Variants in CNTNAP2 observed in about 807,000 individuals in gnomAD.
CNTNAP2 encodes contactin-associated protein-like 2.
Under a neutral mutation model 155.2 loss-of-function variants are expected in CNTNAP2, and 98 were observed. The ratio of observed to expected loss-of-function variants is 0.63; its 90% CI spans 0.54 to 0.75. The LOEUF (loss-of-function observed/expected upper bound fraction) is 0.75. CNTNAP2 is among the 30% of genes least tolerant of loss of function. CNTNAP2 has a pLI of 0.00. For missense variants in CNTNAP2, 1,727 were observed against 1,688.1 expected (o/e 1.02, Z -0.40); for synonymous variants, 651 against 631.2 (o/e 1.03, Z -0.47).
intron 10 of CNTNAP2, among the ~76,000 whole-genome samples, chr7:147,448,755 T>A (rs933754275): frequency 6.6e-6 from 1 of 152,064 alleles, no homozygotes; most frequent in Non-Finnish European, 1.5e-5. Context: ...TTTATACTTA[T>A]GAAAATTTAT....
At chr7:146,555,880 G>A (rs1798191404) in intron 1 of CNTNAP2, among the ~76,000 whole-genome samples, 1 of 152,066 alleles carries the variant, frequency 6.6e-6, no homozygotes, top group Admixed American at 6.5e-5. Flanking sequence ...AAAAGTGATG[G>A]TTATAGACTC....
At position 146,121,119 on chromosome 7, in the gene CNTNAP2, C is replaced by CTT. The variant is rs745449281; in HGVS notation, c.97+4172_97+4173dup. On this transcript the variant is annotated intron_variant, in intron 1 of 23. Coordinates refer to ENST00000361727, the MANE Select transcript of CNTNAP2 (RefSeq NM_014141.6). The stretch of plus-strand genomic sequence containing the variant: ...TGTCTTAAAGTTTACATAAAGCTTC[C>CTT]TTTTTTTTTTTTTTTTTTTTTTTTT... Among the ~76,000 whole-genome samples, 272 of 65,778 alleles carry CTT rather than the reference C, an allele frequency of 4.1e-3. 28 individuals carry two copies. The highest frequency in any genetic ancestry group is 0.012 in the African/African-American group (225 of 19,270). The allele number at this position is 65,778 out of a possible 152,430, so 43.2% of individuals were successfully genotyped here. A position where few individuals can be genotyped will look rare whatever the true frequency, so the allele number is the denominator to read the frequency against.
intron 17 of CNTNAP2, among the ~76,000 whole-genome samples, chr7:148,160,445 C>G (rs1414802401): frequency 6.6e-6 from 1 of 151,120 alleles, no homozygotes; most frequent in Admixed American, 6.6e-5. Flanking sequence ...AATAAATGAA[C>G]AAACTACTAT....
chr7:147,272,113 G>A (rs1020292608), intron 8 of CNTNAP2, among the ~76,000 whole-genome samples: 8 of 152,026 alleles, frequency 5.3e-5, no homozygotes, highest in Admixed American at 6.6e-5. Context: ...GGCTGCTCTC[G>A]AACTCCTGAC....
intron 3 of CNTNAP2, among the ~76,000 whole-genome samples, chr7:146,889,058 G>A (rs1795728478): frequency 6.6e-6 from 1 of 151,940 alleles, no homozygotes; most frequent in South Asian, 2.1e-4. Context: ...ATTGGGAACT[G>A]ATAGATATGT....
rs1797629023 is a variant in CNTNAP2 at position 146,964,991 on chromosome 7, GTGCTA to G, written c.403-78915_403-78911del. Among the ~76,000 whole-genome samples, 3 of 152,146 alleles carry G rather than the reference GTGCTA, an allele frequency of 2.0e-5. 1 individual carries two copies. In the South Asian group the frequency reaches 6.2e-4, roughly 32 times the overall value. The stretch of plus-strand genomic sequence containing the variant: ...ACAAAACAAAACAAAACAAAAAACA[GTGCTA>G]CTCCCCTCCTGGAGCTTATCATATG... On this transcript the variant is annotated intron_variant, in intron 3 of 23. Transcript: ENST00000361727.
chr7:147,983,909 T>A (rs1214099008), intron 15 of CNTNAP2, among the ~76,000 whole-genome samples: 1 of 152,146 alleles, frequency 6.6e-6, no homozygotes, highest in African/African-American at 2.4e-5. Flanking sequence ...GTAAATTTCT[T>A]CTGGATTTTG....
intron 3 of CNTNAP2, among the ~76,000 whole-genome samples, chr7:146,914,139 A>G (rs1412762680): frequency 6.6e-6 from 1 of 151,970 alleles, no homozygotes; most frequent in African/African-American, 2.4e-5. Flanking sequence ...TTTATGCTTT[A>G]TGGCTCAGTC....
intron 18 of CNTNAP2, among the ~76,000 whole-genome samples, chr7:148,184,141 T>C (rs962206026): frequency 6.6e-6 from 1 of 152,084 alleles, no homozygotes; most frequent in Non-Finnish European, 1.5e-5. Flanking sequence ...GATCAACAAA[T>C]TGATATGTAA....
chr7:147,080,429 A>G (rs1263838867), intron 4 of CNTNAP2, among the ~76,000 whole-genome samples: 2 of 152,104 alleles, frequency 1.3e-5, no homozygotes, highest in African/African-American at 4.8e-5. Context: ...ATAAATGTTG[A>G]TTAAGTGAAG....
intron 3 of CNTNAP2, among the ~76,000 whole-genome samples, chr7:146,866,218 G>A (rs1032165511): frequency 8.6e-5 from 13 of 151,808 alleles, no homozygotes; most frequent in Admixed American, 5.3e-4. Flanking sequence ...ACACATGCAC[G>A]GAAAGTCCAA....
chr7:147,805,911 T>G (rs1584965227), intron 13 of CNTNAP2, among the ~76,000 whole-genome samples: 1 of 152,050 alleles, frequency 6.6e-6, no homozygotes, highest in African/African-American at 2.4e-5. Context: ...AAGAAAACAT[T>G]GGGGGAAATG....
At chr7:146,442,717 G>A (rs1796337992) in intron 1 of CNTNAP2, among the ~76,000 whole-genome samples, 1 of 152,072 alleles carries the variant, frequency 6.6e-6, no homozygotes, top group Non-Finnish European at 1.5e-5. Context: ...TATCGTACTA[G>A]CCCTGCACAG....
chr7:147,379,613 A>G (rs887221938), intron 9 of CNTNAP2, among the ~76,000 whole-genome samples: 3 of 152,088 alleles, frequency 2.0e-5, no homozygotes, highest in Non-Finnish European at 4.4e-5. Context: ...TTTATGGCTT[A>G]TGCATTCTCA....
intron 10 of CNTNAP2, among the ~76,000 whole-genome samples, chr7:147,408,924 A>T (rs146008523): frequency 6.6e-6 from 1 of 152,332 alleles, no homozygotes; most frequent in Non-Finnish European, 1.5e-5. Flanking sequence ...CTGCAGTAGA[A>T]CCAGGTGAAA....
At chr7:147,295,822 A>G (rs1206083254) in intron 8 of CNTNAP2, among the ~76,000 whole-genome samples, 1 of 152,164 alleles carries the variant, frequency 6.6e-6, no homozygotes, top group African/African-American at 2.4e-5. Flanking sequence ...AAATTTCAAA[A>G]TAATAATTGG....
chr7:147,879,260 G>T (rs1799478071), intron 13 of CNTNAP2, among the ~76,000 whole-genome samples: 1 of 152,156 alleles, frequency 6.6e-6, no homozygotes, highest in South Asian at 2.1e-4. Flanking sequence ...TTGGCCGGAG[G>T]AGCTGCCATC....
chr7:148,026,929 TC>T (rs1410314581), intron 15 of CNTNAP2, among the ~76,000 whole-genome samples: 1 of 152,114 alleles, frequency 6.6e-6, no homozygotes, highest in Non-Finnish European at 1.5e-5. Flanking sequence ...AAGCACACCC[TC>T]TGAGCAGAGG....
intron 14 of CNTNAP2, among the ~76,000 whole-genome samples, chr7:147,930,776 G>A (rs1233538977): frequency 6.6e-6 from 1 of 152,078 alleles, no homozygotes; most frequent in Non-Finnish European, 1.5e-5. Flanking sequence ...ACATTCTCCA[G>A]GATAGATCTC....
Sources: gnomAD v4.1 joint callset for allele counts (sites outside exome capture counted in the v4.1 genomes callset) on GRCh38, gnomAD v4.1.1 for gene constraint, MANE v1.5 for transcripts, NCBI Gene and HGNC (gene_info 2026-07-23, HGNC 2026-07-21) for gene names.